Variants in NOTCH2 observed in about 807,000 individuals in gnomAD.
The protein encoded by NOTCH2 is neurogenic locus notch homolog protein 2.
NOTCH2 carries 29 observed loss-of-function variants against 235.8 expected under a neutral mutation model. The observed-to-expected ratio is 0.12, with a 90% CI of 0.09 to 0.17. The LOEUF is 0.17. Ranked by LOEUF, NOTCH2 falls within the 10% of genes least tolerant of loss-of-function variation. The pLI, the probability that NOTCH2 is intolerant of heterozygous loss-of-function variation, is 1.00. For synonymous variants in NOTCH2, 1,086 were observed against 1,141.5 expected (o/e 0.95, Z 0.98); for missense variants, 2,285 against 3,150.2 (o/e 0.73, Z 6.57).
At position 119,915,648 on chromosome 1, in the gene NOTCH2, C is replaced by T. The variant is rs756702495; in HGVS notation, c.7074G>A (p.Met2358Ile). Reference protein sequence around the residue: ...LPSVAFPTAMMPQQDGQVAQT... With the variant: ...LPSVAFPTAMIPQQDGQVAQT... Reference sequence around the variant, plus strand: ...GAGCTACCTGCCCGTCCTGCTGGGGCATCATGGCAGTGGGGAAAGCCACAC... The same window carrying T: ...GAGCTACCTGCCCGTCCTGCTGGGGTATCATGGCAGTGGGGAAAGCCACAC... Residue 2358 changes from methionine to isoleucine, a missense_variant, in exon 34 of 34, where the codon ATG becomes ATA. Around this residue, in one of 6 missense-constraint regions of NOTCH2, gnomAD observed 504 missense variants for 538.0 expected, o/e 0.94. Coordinates refer to ENST00000256646, the MANE Select transcript of NOTCH2 (RefSeq NM_024408.4). 6.2e-7 allele frequency: 1 copy of T among 1,613,996 alleles called. No homozygotes were observed. The highest frequency in any genetic ancestry group is 8.5e-7 in the Non-Finnish European group (1 of 1,179,990).
chr1:119,935,568 C>T lies in NOTCH2; in HGVS notation c.3559G>A (p.Glu1187Lys). 6.2e-7 allele frequency: 1 copy of T among 1,614,210 alleles called. No homozygotes were observed. The highest frequency in any genetic ancestry group is 8.5e-7 in the Non-Finnish European group (1 of 1,180,032). ...PGYQGVNCEY[E>K]VDECQNQPCQ... ...GGCTGATTCTGGCACTCATCCACTT[C>T]ATACTCACAGTTGACACCCTGATAG... The change falls in exon 22 of 34, where the codon GAA becomes AAA. Residue 1187 changes from glutamate to lysine, a missense_variant. By Grantham distance (56) the Glu-to-Lys change is moderately conservative (BLOSUM62 1). This residue lies in a region of NOTCH2 where 1,173 missense variants were observed against 1,515.3 expected (regional missense o/e 0.77). Coordinates refer to ENST00000256646, the MANE Select transcript of NOTCH2 (RefSeq NM_024408.4).
At position 119,915,549 on chromosome 1, in the gene NOTCH2, A is replaced by G; in HGVS notation, c.7173T>C (p.Ser2391=). 6.2e-7 allele frequency: 1 copy of G among 1,614,062 alleles called. No individual in the cohort carries two copies. ...GCTCAGCAGCATTTGAGGAAGCATA[A>G]CTGTGCTGTGAAGGGGGTGTGGGGT... ...GKYPTPPSQH[S]YASSNAAERT... is the part of the protein sequence containing the mutation. The change falls in exon 34 of 34, where the codon AGT becomes AGC. Residue 2391 remains serine (S), a synonymous_variant. Coordinates refer to ENST00000256646, the MANE Select transcript of NOTCH2 (RefSeq NM_024408.4).
In NOTCH2 at chr1:119,925,316, G is replaced by C. The variant is rs2101161557; in HGVS notation, c.4500C>G (p.Ser1500Arg). ...LFDNFECQGN[S>R]KTCKYDKYCA... ...CGTGAAGCCCTTACTTGCATGTCTT[G>C]CTGTTCCCCTGGCATTCAAAGTTGT... Residue 1500 changes from serine (S) to arginine (R), a missense_variant, in exon 25 of 34, where the codon AGC becomes AGG. Physicochemically the swap from Ser to Arg is moderately radical, Grantham distance 110. Coordinates refer to ENST00000256646, the MANE Select transcript of NOTCH2 (RefSeq NM_024408.4). 1.2e-6 allele frequency: 2 copies of C among 1,613,836 alleles called. No homozygotes were observed. Among genetic ancestry groups the C allele is most frequent in the Non-Finnish European group, 1.7e-6 (2 of 1,180,030 alleles).
chr1:120,067,673 C>G (rs1655561309), intron 1 of NOTCH2, among the ~76,000 whole-genome samples: 1 of 152,222 alleles, frequency 6.6e-6, no homozygotes, highest in Non-Finnish European at 1.5e-5. Context: ...ATTGATCATA[C>G]TCCTCTCTAT....
rs1385113580 is a variant in NOTCH2, at chr1:120,065,838, G to A, written c.73+3496C>T. Among the ~76,000 whole-genome samples the A allele has an allele frequency of 5.9e-5, 9 of 152,256 alleles. No homozygotes were observed. In the South Asian group the frequency reaches 8.3e-4, roughly 14 times the overall value. On this transcript the variant is annotated intron_variant, in intron 1 of 33. Transcript: ENST00000256646. ...ATCAATAGTTCAAATTTAGGCATTC[G>A]AACTGAGACATCAAGAAAGGAAGCA...
At chr1:119,980,223 C>T (rs892679052) in intron 5 of NOTCH2, among the ~76,000 whole-genome samples, 46 of 152,232 alleles carry the variant, frequency 3.0e-4, no homozygotes, top group African/African-American at 9.6e-4. Flanking sequence ...AGATCTCAAA[C>T]TTGGTACTTC....
At chr1:120,023,047 G>A (rs587689712) in intron 2 of NOTCH2, among the ~76,000 whole-genome samples, 86 of 151,300 alleles carry the variant, frequency 5.7e-4, no homozygotes, top group Non-Finnish European at 9.9e-4. Flanking sequence ...ACCCTAATAC[G>A]CAATAATGTT....
chr1:119,958,967 T>A (rs1412695086), intron 12 of NOTCH2, among the ~76,000 whole-genome samples: 2 of 152,142 alleles, frequency 1.3e-5, no homozygotes, highest in Admixed American at 1.3e-4. Context: ...CATTCAGTAT[T>A]TTCACAGAAT....
chr1:119,955,318 T>A, intron 12 of NOTCH2, 86 bp from the exon 13 acceptor site: 1 of 1,393,994 alleles, frequency 7.2e-7, no homozygotes, highest in Non-Finnish European at 1.0e-6. Flanking sequence ...GTTGACATCC[T>A]TCATCTGCTC....
intron 17 of NOTCH2, among the ~76,000 whole-genome samples, chr1:119,945,763 A>G (rs1245567717): frequency 6.6e-6 from 1 of 152,094 alleles, no homozygotes; most frequent in Non-Finnish European, 1.5e-5. Flanking sequence ...ATATACAATG[A>G]TAGTAAAAGA....
In NOTCH2 at chr1:119,912,450, T is replaced by G. The variant is rs1025952035; in HGVS notation, c.*2856A>C. The stretch of plus-strand genomic sequence containing the variant: ...TGGCAAATTCAATAAGAGGATGCAA[T>G]GGATTTGAGCATCACAGCCAATTGC... On this transcript the variant is annotated 3_prime_UTR_variant, in exon 34 of 34. Coordinates refer to ENST00000256646, the MANE Select transcript of NOTCH2 (RefSeq NM_024408.4). 7.3e-5 allele frequency: 17 copies of G among 233,362 alleles called. No homozygotes were observed. Among genetic ancestry groups the G allele is most frequent in the Non-Finnish European group, 1.3e-4 (15 of 117,964 alleles). 14.5% of individuals were successfully genotyped at this position (233,362 alleles called of 1,614,324 possible). A position where few individuals can be genotyped will look rare whatever the true frequency, so the allele number is the denominator to read the frequency against.
chr1:119,924,316 T>G (rs1649390376), intron 25 of NOTCH2, among the ~76,000 whole-genome samples: 1 of 152,186 alleles, frequency 6.6e-6, no homozygotes, highest in Admixed American at 6.5e-5. Flanking sequence ...CTTCCTCTAC[T>G]TTAGAGAAAT....
chr1:120,069,440 C>G lies in NOTCH2; in HGVS notation c.-34G>C, dbSNP rs1158988977. On this transcript the variant is annotated 5_prime_UTR_variant, in exon 1 of 34. Coordinates refer to ENST00000256646, the MANE Select transcript of NOTCH2 (RefSeq NM_024408.4). ...TCGCCTCCTCCTCCGCCGCCGCCGCCGCCGCCTGGGCAGATCCACATGGGG... is the reference window on the plus strand; with the variant it reads ...TCGCCTCCTCCTCCGCCGCCGCCGCGGCCGCCTGGGCAGATCCACATGGGG... The G allele has an allele frequency of 1.3e-6, 2 of 1,528,970 alleles. No homozygotes were observed. The highest frequency in any genetic ancestry group is 2.8e-5 in the African/African-American group (2 of 71,592). The allele number at this position is 1,528,970 out of a possible 1,614,324, so 94.7% of individuals were successfully genotyped here.
At chr1:120,002,473 G>A (rs1652799183) in intron 3 of NOTCH2, among the ~76,000 whole-genome samples, 1 of 151,990 alleles carries the variant, frequency 6.6e-6, no homozygotes, top group Admixed American at 6.6e-5. Context: ...GCCCAATCCA[G>A]GCGGAACTAC....
intron 5 of NOTCH2, among the ~76,000 whole-genome samples, chr1:119,973,274 C>A (rs1190126526): frequency 2.6e-5 from 4 of 152,134 alleles, no homozygotes; most frequent in African/African-American, 9.7e-5. Context: ...TCAACTGGTT[C>A]TAAAATTCAG....
intron 4 of NOTCH2, among the ~76,000 whole-genome samples, chr1:119,991,789 T>C (rs1570722602): frequency 1.2e-5 from 1 of 86,098 alleles, no homozygotes; most frequent in East Asian, 2.6e-4. Context: ...ATAGCGCCAT[T>C]GCACTCCAGC....
Position 119,953,613 on chromosome 1 carries a change from T to C in NOTCH2, c.2295A>G (p.Pro765=), listed in dbSNP as rs139358772. 15 of 1,614,004 alleles carry C rather than the reference T, an allele frequency of 9.3e-6. No homozygotes were observed. Among genetic ancestry groups the C allele is most frequent in the Middle Eastern group, 1.6e-4 (1 of 6,084 alleles). The change falls in exon 14 of 34, where the codon CCA becomes CCG. Residue 765 remains proline (P), a synonymous_variant. Transcript: ENST00000256646. ...EVDKNECLSN[P]CQNGGTCDNL... ...TGTCACAAGTTCCTCCATTCTGGCATGGATTCGAAAGGCATTCATTTTTGT... is the reference window on the plus strand; with the variant it reads ...TGTCACAAGTTCCTCCATTCTGGCACGGATTCGAAAGGCATTCATTTTTGT...
At chr1:120,009,472 T>C (rs1319775163) in intron 2 of NOTCH2, among the ~76,000 whole-genome samples, 1 of 151,656 alleles carries the variant, frequency 6.6e-6, no homozygotes, top group East Asian at 1.9e-4. Flanking sequence ...CACACTTTCA[T>C]GAGGTCCCAT....
intron 5 of NOTCH2, among the ~76,000 whole-genome samples, chr1:119,985,803 A>G (rs1040803014): frequency 6.6e-6 from 1 of 152,346 alleles, no homozygotes; most frequent in African/African-American, 2.4e-5. Flanking sequence ...ACTAGAAGAG[A>G]CAATGTCACA....
Sources: gnomAD v4.1 joint callset for allele counts (sites outside exome capture counted in the v4.1 genomes callset) on GRCh38, gnomAD v4.1.1 for gene constraint, gnomAD v4.1.1 regional missense constraint, MANE v1.5 for transcripts, NCBI Gene and HGNC (gene_info 2026-07-23, HGNC 2026-07-21) for gene names.